The following TOP6BL variants were observed in gnomAD, a reference collection of about 807,000 sequenced individuals.
TOP6BL encodes the protein type 2 DNA topoisomerase 6 subunit B-like.
chr11:66,783,149 TAGTG>T, the TOP6BL span, among the ~76,000 whole-genome samples: 1 of 152,166 alleles, frequency 6.6e-6, no homozygotes, highest in Non-Finnish European at 1.5e-5. Context: ...CTGGGCAACA[TAGTG>T]AGACCCTGTA....
chr11:66,837,290 C>T, the TOP6BL span, among the ~76,000 whole-genome samples: 1 of 151,798 alleles, frequency 6.6e-6, no homozygotes, highest in Non-Finnish European at 1.5e-5. Flanking sequence ...CCACGCCTGG[C>T]TAATTTTTTT....
the TOP6BL span, among the ~76,000 whole-genome samples, chr11:66,790,528 G>C: frequency 3.3e-5 from 5 of 152,200 alleles, no homozygotes; most frequent in Non-Finnish European, 7.3e-5. Flanking sequence ...GTTGTTATCA[G>C]AGTGATAAAG....
At chr11:66,829,299 G>A in the TOP6BL span, among the ~76,000 whole-genome samples, 2 of 151,434 alleles carry the variant, frequency 1.3e-5, no homozygotes, top group East Asian at 3.9e-4. Context: ...GATACAGGCC[G>A]CGTGTGGTGG....
At chr11:66,748,515 C>CT in the TOP6BL span, 1 of 1,532,924 alleles carries the variant, frequency 6.5e-7, no homozygotes, top group Admixed American at 2.1e-5. Flanking sequence ...TGTGTAACAA[C>CT]TAGTAAGTAG....
At chr11:66,756,949 T>G in the TOP6BL span, among the ~76,000 whole-genome samples, 4 of 150,710 alleles carry the variant, frequency 2.7e-5, no homozygotes, top group Admixed American at 1.3e-4. Flanking sequence ...GAGCTCAAAA[T>G]ATCTACCCAC....
At chr11:66,835,952 T>A in the TOP6BL span, among the ~76,000 whole-genome samples, 1 of 152,232 alleles carries the variant, frequency 6.6e-6, no homozygotes, top group Non-Finnish European at 1.5e-5. Context: ...ATGTTCTAAC[T>A]TTTTAAAGAA....
At chr11:66,819,875 C>G in the TOP6BL span, among the ~76,000 whole-genome samples, 5 of 147,018 alleles carry the variant, frequency 3.4e-5, no homozygotes, top group African/African-American at 1.3e-4. Flanking sequence ...TGCACTCCAG[C>G]TCGGGCAACA....
the TOP6BL span, among the ~76,000 whole-genome samples, chr11:66,777,245 T>C: frequency 1.3e-5 from 2 of 152,016 alleles, no homozygotes; most frequent in Non-Finnish European, 1.5e-5. Context: ...TAGCCATTTT[T>C]CTATTAATAG....
the TOP6BL span, among the ~76,000 whole-genome samples, chr11:66,745,337 C>G: frequency 2.0e-5 from 3 of 149,864 alleles, no homozygotes; most frequent in African/African-American, 7.4e-5. Flanking sequence ...GGCGCCAGGA[C>G]AGAGGCAAGG....
chr11:66,843,186 G>T, the TOP6BL span: 2 of 1,611,222 alleles, frequency 1.2e-6, no homozygotes, highest in East Asian at 2.2e-5. Flanking sequence ...TGTGGCTGCA[G>T]GAGGTCTCCA....
chr11:66,833,565 AGC>A, the TOP6BL span, among the ~76,000 whole-genome samples: 1 of 152,098 alleles, frequency 6.6e-6, no homozygotes, highest in East Asian at 1.9e-4. Context: ...CCAGGATATA[AGC>A]GCAGAGGGAC....
chr11:66,774,290 T>C, the TOP6BL span, among the ~76,000 whole-genome samples: 1 of 152,218 alleles, frequency 6.6e-6, no homozygotes, highest in South Asian at 2.1e-4. Flanking sequence ...AGATTCTATA[T>C]ATGCTTGGGT....
chr11:66,800,441 T>A, the TOP6BL span, among the ~76,000 whole-genome samples: 1 of 152,232 alleles, frequency 6.6e-6, no homozygotes, highest in Non-Finnish European at 1.5e-5. Flanking sequence ...TCTACTTGAT[T>A]TAATCATTCC....
At chr11:66,748,936 C>T in the TOP6BL span, among the ~76,000 whole-genome samples, 1 of 149,186 alleles carries the variant, frequency 6.7e-6, no homozygotes, top group Admixed American at 6.7e-5. Flanking sequence ...GAAAATATCT[C>T]TTCCATTTGG....
At chr11:66,748,321 T>C in the TOP6BL span, 1 of 1,339,018 alleles carries the variant, frequency 7.5e-7, no homozygotes, top group Non-Finnish European at 1.0e-6. Context: ...CATAGAGATG[T>C]ATTATTACTG....
the TOP6BL span, among the ~76,000 whole-genome samples, chr11:66,754,579 GTGATCTAAT>G: frequency 6.6e-6 from 1 of 152,144 alleles, no homozygotes; most frequent in Admixed American, 6.5e-5. Context: ...TCACTAAAAG[GTGATCTAAT>G]TGGGCTTTTA....
chr11:66,836,913 C>G, the TOP6BL span, among the ~76,000 whole-genome samples: 4 of 151,010 alleles, frequency 2.6e-5, no homozygotes, highest in Admixed American at 6.6e-5. Context: ...GTCGGTCAGG[C>G]TGGTCTCAAA....
the TOP6BL span, among the ~76,000 whole-genome samples, chr11:66,765,173 A>G: frequency 6.6e-6 from 1 of 152,230 alleles, no homozygotes; most frequent in Non-Finnish European, 1.5e-5. Flanking sequence ...TTTTATTATC[A>G]TTGTTACTCT....
the TOP6BL span, chr11:66,801,162 G>A: frequency 6.5e-7 from 1 of 1,535,024 alleles, no homozygotes; most frequent in Non-Finnish European, 9.0e-7. Flanking sequence ...GAGTACGAAT[G>A]TGGGTAGAAA....
Sources: gnomAD v4.1 joint callset for allele counts (sites outside exome capture counted in the v4.1 genomes callset) on GRCh38, gnomAD v4.1.1 for gene constraint, MANE v1.5 for transcripts, NCBI Gene and HGNC (gene_info 2026-07-23, HGNC 2026-07-21) for gene names.